The following ANKS1B variants were observed in gnomAD, a reference collection of about 807,000 sequenced individuals.
ANKS1B encodes ankyrin repeat and sterile alpha motif domain containing 1B.
A neutral mutation model predicts 148.3 loss-of-function variants in ANKS1B; 36 were observed. That is an observed-to-expected ratio of 0.24 (90% CI 0.19 to 0.32). The LOEUF is 0.32. Ranked by LOEUF, ANKS1B falls within the 10% of genes least tolerant of loss-of-function variation. ANKS1B has a pLI of 1.00. For missense variants in ANKS1B, 1,157 were observed against 1,542.6 expected, an observed-to-expected ratio of 0.75 and a Z score of 4.19; for synonymous variants, 542 against 560.8, an observed-to-expected ratio of 0.97 and a Z score of 0.47.
intron 15 of ANKS1B, among the ~76,000 whole-genome samples, chr12:99,112,118 G>A (rs1263764866): frequency 2.0e-5 from 3 of 152,042 alleles, no homozygotes; most frequent in Admixed American, 2.0e-4. Flanking sequence ...TATAGAAGAG[G>A]AAGTAAAGGC....
intron 17 of ANKS1B, among the ~76,000 whole-genome samples, chr12:98,891,890 G>A: frequency 6.6e-6 from 1 of 152,026 alleles, no homozygotes; most frequent in East Asian, 1.9e-4. Context: ...AATTACTGGT[G>A]GTCCATGGAA....
chr12:99,693,609 C>G (rs2053451498), intron 8 of ANKS1B, among the ~76,000 whole-genome samples: 1 of 151,948 alleles, frequency 6.6e-6, no homozygotes, highest in Admixed American at 6.6e-5. Context: ...AATTTTAATG[C>G]TAAATAAAGC....
At chr12:99,000,057 T>C (rs2099931985) in intron 17 of ANKS1B, among the ~76,000 whole-genome samples, 1 of 151,346 alleles carries the variant, frequency 6.6e-6, no homozygotes, top group Non-Finnish European at 1.5e-5. Flanking sequence ...TCCAGTAAAA[T>C]GCTAAGAAAC....
chr12:99,272,975 T>C (rs1245575628), intron 12 of ANKS1B, among the ~76,000 whole-genome samples: 1 of 152,176 alleles, frequency 6.6e-6, no homozygotes, highest in Admixed American at 6.5e-5. Flanking sequence ...TATTCTCCCA[T>C]ATATCCAACA....
chr12:98,855,052 G>A (rs1046135145), intron 17 of ANKS1B, among the ~76,000 whole-genome samples: 4 of 151,744 alleles, frequency 2.6e-5, no homozygotes, highest in Non-Finnish European at 4.4e-5. Flanking sequence ...CTAGCTACTC[G>A]GGAGGCTGAG....
intron 8 of ANKS1B, among the ~76,000 whole-genome samples, chr12:99,662,439 T>C (rs935499391): frequency 6.6e-6 from 1 of 152,222 alleles, no homozygotes; most frequent in Non-Finnish European, 1.5e-5. Flanking sequence ...CAAAGCCTGA[T>C]ACTTGGCTAG....
chr12:99,921,786 A>G (rs2094360098), intron 1 of ANKS1B, among the ~76,000 whole-genome samples: 1 of 152,186 alleles, frequency 6.6e-6, no homozygotes, highest in African/African-American at 2.4e-5. Flanking sequence ...AACAACACAC[A>G]CTAATATTTT....
chr12:99,314,369 T>C (rs1177596714), intron 12 of ANKS1B, among the ~76,000 whole-genome samples: 1 of 152,166 alleles, frequency 6.6e-6, no homozygotes, highest in East Asian at 1.9e-4. Flanking sequence ...TTCAATGCCA[T>C]TCCCATCAAA....
chr12:99,694,756 G>A (rs2053641850), intron 8 of ANKS1B, among the ~76,000 whole-genome samples: 1 of 152,084 alleles, frequency 6.6e-6, no homozygotes, highest in Admixed American at 6.6e-5. Flanking sequence ...TTAATCCATA[G>A]AATTTTAGAC....
At chr12:99,006,341 A>G (rs2099936134) in intron 17 of ANKS1B, among the ~76,000 whole-genome samples, 1 of 152,232 alleles carries the variant, frequency 6.6e-6, no homozygotes, top group Admixed American at 6.5e-5. Flanking sequence ...AGCACTAGCA[A>G]TAGGGACACA....
chr12:99,571,650 T>C (rs79211346), intron 9 of ANKS1B, among the ~76,000 whole-genome samples: 8,321 of 152,194 alleles, frequency 0.055, 354 homozygotes, highest in East Asian at 0.24. Flanking sequence ...ATCCAGAACA[T>C]TGGGGAATAC....
At chr12:99,086,868 A>G (rs893259801) in intron 15 of ANKS1B, among the ~76,000 whole-genome samples, 3 of 152,164 alleles carry the variant, frequency 2.0e-5, no homozygotes, top group African/African-American at 7.2e-5. Context: ...CAGAATATCC[A>G]TTTATTTAGT....
intron 17 of ANKS1B, among the ~76,000 whole-genome samples, chr12:98,874,295 T>C (rs2099681356): frequency 6.6e-6 from 1 of 151,974 alleles, no homozygotes; most frequent in Non-Finnish European, 1.5e-5. Flanking sequence ...AGCCGAGCTT[T>C]ATGAAGGGAA....
intron 9 of ANKS1B, among the ~76,000 whole-genome samples, chr12:99,553,659 T>C (rs116743299): frequency 0.014 from 2,126 of 152,322 alleles, 44 homozygotes; most frequent in African/African-American, 0.047. Flanking sequence ...CAGCAGTTTG[T>C]TCTGCAGGCC....
chr12:99,357,860 C>T (rs1658904960), intron 12 of ANKS1B, among the ~76,000 whole-genome samples: 1 of 151,966 alleles, frequency 6.6e-6, no homozygotes, highest in Non-Finnish European at 1.5e-5. Flanking sequence ...ATAAGAATGC[C>T]CTTCTTAGCC....
intron 1 of ANKS1B, among the ~76,000 whole-genome samples, chr12:99,885,071 C>T (rs1401822897): frequency 6.6e-6 from 1 of 151,982 alleles, no homozygotes; most frequent in Non-Finnish European, 1.5e-5. Context: ...TCTCATAGGT[C>T]TTTATAAAAA....
intron 17 of ANKS1B, among the ~76,000 whole-genome samples, chr12:98,917,636 G>A (rs1487667440): frequency 6.6e-6 from 1 of 152,108 alleles, no homozygotes; most frequent in East Asian, 1.9e-4. Flanking sequence ...TGAGTATTCG[G>A]GATGAAAAAT....
chr12:99,026,977 C>A (rs1379094533), intron 17 of ANKS1B, among the ~76,000 whole-genome samples: 1 of 152,158 alleles, frequency 6.6e-6, no homozygotes, highest in Non-Finnish European at 1.5e-5. Context: ...TTTTGTAAAG[C>A]AGAAAGTCCT....
chr12:99,317,795 G>A (rs1258463741), intron 12 of ANKS1B, among the ~76,000 whole-genome samples: 1 of 152,174 alleles, frequency 6.6e-6, no homozygotes, highest in Non-Finnish European at 1.5e-5. Context: ...GATATTGGCT[G>A]TGGGTTTGTC....
Sources: gnomAD v4.1 joint callset for allele counts (sites outside exome capture counted in the v4.1 genomes callset) on GRCh38, gnomAD v4.1.1 for gene constraint, MANE v1.5 for transcripts, NCBI Gene and HGNC (gene_info 2026-07-23, HGNC 2026-07-21) for gene names.